Variants in STX3 observed in about 807,000 individuals in gnomAD.
STX3 encodes syntaxin 3, also known as syntaxin-3.
In STX3, 19 loss-of-function variants were observed where a neutral mutation model predicts 40.2. The ratio of observed to expected loss-of-function variants is 0.47; its 90% CI spans 0.33 to 0.69. The LOEUF (loss-of-function observed/expected upper bound fraction) is 0.69. Ranked by LOEUF, STX3 falls within the 30% of genes least tolerant of loss-of-function variation. STX3 has a pLI of 0.02. For missense variants in STX3, 364 were observed against 366.7 expected (o/e 0.99, Z 0.06); for synonymous variants, 122 against 132.2 (o/e 0.92, Z 0.53).
intron 1 of STX3, among the ~76,000 whole-genome samples, chr11:59,769,875 G>A (rs1863490099): frequency 6.6e-6 from 1 of 151,042 alleles, no homozygotes; most frequent in Non-Finnish European, 1.5e-5. Flanking sequence ...TGTGGGGGGG[G>A]AAGGTGTGTG....
In STX3 at chr11:59,801,986, T is replaced by C. The variant is rs1042821012; in HGVS notation, c.*1162T>C. Reference sequence around the variant, plus strand: ...AATGAGAACTCTGGAGTGAGCTAAATTGATCCCAATTAAGTTTTTCTGCTT... The same window carrying C: ...AATGAGAACTCTGGAGTGAGCTAAACTGATCCCAATTAAGTTTTTCTGCTT... On this transcript the variant is annotated 3_prime_UTR_variant, in exon 11 of 11. Transcript: ENST00000337979. 3.7e-5 allele frequency: 36 copies of C among 985,308 alleles called. No homozygotes were observed. The African/African-American group carries it at 6.3e-4, about 17-fold the overall frequency. The allele number at this position is 985,308 out of a possible 1,614,324, so 61.0% of individuals were successfully genotyped here. A position where few individuals can be genotyped will look rare whatever the true frequency, so the allele number is the denominator to read the frequency against.
chr11:59,763,524 A>T (rs533102139), intron 1 of STX3, among the ~76,000 whole-genome samples: 2 of 152,344 alleles, frequency 1.3e-5, no homozygotes, highest in African/African-American at 4.8e-5. Flanking sequence ...AGATTAAGAA[A>T]TACCATGTAT....
intron 2 of STX3, among the ~76,000 whole-genome samples, chr11:59,782,099 C>T (rs997060813): frequency 2.6e-5 from 4 of 152,230 alleles, no homozygotes; most frequent in African/African-American, 7.2e-5. Context: ...AGTACTTTCT[C>T]TGCTTTTCCT....
chr11:59,790,463 G>A, intron 4 of STX3, 56 bp from the exon 5 acceptor site: 2 of 1,336,180 alleles, frequency 1.5e-6, no homozygotes, highest in Non-Finnish European at 2.2e-6. Context: ...TCACTGAATA[G>A]CATGTTTCTT....
At position 59,755,653 on chromosome 11, in the gene STX3, C is replaced by CGGGGTGCTGCCAGGA. The variant is rs751028471; in HGVS notation, c.30+29_30+43dup. 3.1e-6 allele frequency: 5 copies of CGGGGTGCTGCCAGGA among 1,590,872 alleles called. No individual in the cohort carries two copies. Among genetic ancestry groups the CGGGGTGCTGCCAGGA allele is most frequent in the Admixed American group, 1.7e-5 (1 of 59,330 alleles). On this transcript the variant is annotated intron_variant, in intron 1 of 10. Coordinates refer to ENST00000337979, the MANE Select transcript of STX3 (RefSeq NM_004177.5). ...TGAAGGCCGTGAGTTTCGCCGCAGG[C>CGGGGTGCTGCCAGGA]GGGGTGCTGCCAGGAGGGGTGCTGC...
chr11:59,755,358 G>A (rs1862643033), upstream of STX3: 3 of 321,632 alleles, frequency 9.3e-6, no homozygotes, highest in Non-Finnish European at 1.1e-5. Flanking sequence ...GCGCTGCGCC[G>A]GCGCCGGCCC....
chr11:59,796,996 A>G (rs889976910), intron 9 of STX3, among the ~76,000 whole-genome samples: 20 of 152,178 alleles, frequency 1.3e-4, no homozygotes, highest in Admixed American at 4.6e-4. Flanking sequence ...CTGTAGTCCT[A>G]TGTACTCAGG....
chr11:59,757,293 AT>A (rs1862773297), intron 1 of STX3, among the ~76,000 whole-genome samples: 1 of 152,122 alleles, frequency 6.6e-6, no homozygotes, highest in South Asian at 2.1e-4. Context: ...GAAGAGCACG[AT>A]TTTGAAGATC....
At chr11:59,781,910 GCT>G (rs1384463487) in intron 2 of STX3, among the ~76,000 whole-genome samples, 1 of 152,200 alleles carries the variant, frequency 6.6e-6, no homozygotes, top group African/African-American at 2.4e-5. Flanking sequence ...AAATCACATT[GCT>G]CTTGTCACCT....
intron 1 of STX3, among the ~76,000 whole-genome samples, chr11:59,756,473 G>T (rs754327385): frequency 2.4e-4 from 37 of 152,324 alleles, no homozygotes; most frequent in Non-Finnish European, 4.6e-4. Flanking sequence ...AAGCCTTGGA[G>T]ATTCAGTGGC....
chr11:59,761,556 T>A (rs1020327164), intron 1 of STX3, among the ~76,000 whole-genome samples: 2 of 152,224 alleles, frequency 1.3e-5, no homozygotes, highest in Admixed American at 6.5e-5. Context: ...TCTGTAAATT[T>A]ATTTGCCCGC....
chr11:59,779,126 C>A (rs1235830899), intron 2 of STX3, among the ~76,000 whole-genome samples: 1 of 152,152 alleles, frequency 6.6e-6, no homozygotes, highest in African/African-American at 2.4e-5. Context: ...GTGTGAGGCA[C>A]CACGCTGGCC....
chr11:59,762,137 A>G (rs1177041324), intron 1 of STX3, among the ~76,000 whole-genome samples: 1 of 152,050 alleles, frequency 6.6e-6, no homozygotes, highest in Non-Finnish European at 1.5e-5. Context: ...ACAATTGCTT[A>G]GTCTCTTGTT....
chr11:59,775,626 T>C (rs927822078), intron 2 of STX3, among the ~76,000 whole-genome samples: 5 of 152,200 alleles, frequency 3.3e-5, no homozygotes. Flanking sequence ...TAACATCTCT[T>C]AGTTTTAATG....
intron 2 of STX3, among the ~76,000 whole-genome samples, chr11:59,774,714 C>T (rs1481546139): frequency 6.6e-6 from 1 of 151,896 alleles, no homozygotes; most frequent in Non-Finnish European, 1.5e-5. Context: ...ACCTGTAATC[C>T]CAGCTACCCG....
At chr11:59,781,621 T>A (rs1483865767) in intron 2 of STX3, 29 of 1,613,598 alleles carry the variant, frequency 1.8e-5, no homozygotes, top group South Asian at 6.6e-5. Context: ...GCGCCCATTT[T>A]TCGCAAAGCT....
Position 59,802,572 on chromosome 11 carries a change from G to C in STX3, c.*1748G>C. On this transcript the variant is annotated 3_prime_UTR_variant, in exon 11 of 11. Transcript: ENST00000337979. ...TAACTAAAGGCCTTTGCTCTCCTCT[G>C]ACATTGAGGCCTGGGGCTTACAGTT... The C allele has an allele frequency of 1.1e-5, 11 of 985,858 alleles. No homozygotes were observed. The highest frequency in any genetic ancestry group is 1.7e-5 in the African/African-American group (1 of 57,344). The allele number at this position is 985,858 out of a possible 1,614,324, so 61.1% of individuals were successfully genotyped here.
chr11:59,787,123 G>A lies in STX3; in HGVS notation c.201G>A (p.Pro67=), dbSNP rs756774196. Residue 67 remains proline (P), a synonymous_variant, in exon 3 of 11, where the codon CCG becomes CCA. Coordinates refer to ENST00000337979, the MANE Select transcript of STX3 (RefSeq NM_004177.5). ...KKLYSIILSA[P]IPEPKTKDDL... The stretch of plus-strand genomic sequence containing the variant: ...TCTACAGTATCATTCTCTCTGCACC[G>A]ATTCCAGAGCCAAGTGAGTGTTTAC... 80 of 1,613,808 alleles carry A rather than the reference G, an allele frequency of 5.0e-5. No individual in the cohort carries two copies. Among genetic ancestry groups the A allele is most frequent in the Non-Finnish European group, 6.3e-5 (74 of 1,179,866 alleles).
intron 1 of STX3, among the ~76,000 whole-genome samples, chr11:59,760,380 G>A (rs1862966286): frequency 6.6e-6 from 1 of 150,822 alleles, no homozygotes; most frequent in Non-Finnish European, 1.5e-5. Flanking sequence ...CAGCTCTCAC[G>A]GGGTGCATGT....
Sources: allele counts gnomAD v4.1 joint callset (sites outside exome capture counted in the v4.1 genomes callset), GRCh38; gene constraint gnomAD v4.1.1; transcripts MANE v1.5; gene names NCBI Gene and HGNC (gene_info 2026-07-23, HGNC 2026-07-21).